Variants in DOCK8 observed in about 807,000 individuals in gnomAD.
DOCK8 encodes dedicator of cytokinesis 8, also known as dedicator of cytokinesis protein 8.
A neutral mutation model predicts 245.6 loss-of-function variants in DOCK8; 141 were observed. The ratio of observed to expected loss-of-function variants is 0.57; its 90% CI spans 0.50 to 0.66. The LOEUF (loss-of-function observed/expected upper bound fraction) is 0.66, where lower values mean the gene tolerates loss of function less well. Ranked by LOEUF, DOCK8 falls within the 30% of genes least tolerant of loss-of-function variation. DOCK8 has a pLI of 0.00. For synonymous variants in DOCK8, 1,168 were observed against 970.2 expected, an observed-to-expected ratio of 1.20 and a Z score of -3.79; for missense variants, 2,965 against 2,603.4, an observed-to-expected ratio of 1.14 and a Z score of -3.02.
rs150274605 is a variant in DOCK8, at chr9:400,025, CCACCAT to C, written c.3234+772_3234+777del. On this transcript the variant is annotated intron_variant, in intron 26 of 47. Transcript: ENST00000432829. ...ACCACCTCCACCATCACCACCACCT[CCACCAT>C]CACCACCACCACCTCCACCATCACC... Among the ~76,000 whole-genome samples the C allele has an allele frequency of 1.5e-4, 14 of 91,036 alleles. 1 individual carries two copies. In the East Asian group the frequency reaches 1.6e-3, roughly 10 times the overall value. 59.7% of individuals were successfully genotyped at this position (91,036 alleles called of 152,430 possible). A position where few individuals can be genotyped will look rare whatever the true frequency, so the allele number is the denominator to read the frequency against.
chr9:309,293 TG>T (rs1400009129), intron 5 of DOCK8, among the ~76,000 whole-genome samples: 2 of 152,180 alleles, frequency 1.3e-5, no homozygotes, highest in African/African-American at 4.8e-5. Flanking sequence ...ATAATCGAAG[TG>T]TTAATATTGA....
intron 1 of DOCK8, chr9:215,366 A>C (rs1023086687): frequency 3.1e-5 from 49 of 1,594,264 alleles, no homozygotes; most frequent in Non-Finnish European, 4.1e-5. Context: ...CGCCTGGGTA[A>C]CCGTGTTGGG....
intron 2 of DOCK8, among the ~76,000 whole-genome samples, chr9:279,287 C>G (rs553725166): frequency 1.3e-5 from 2 of 152,208 alleles, no homozygotes; most frequent in South Asian, 4.1e-4. Flanking sequence ...GTTAAATTAT[C>G]AAGTAGTGAT....
chr9:274,465 C>CTTTTTTTTTTTT (rs71312800), intron 2 of DOCK8, among the ~76,000 whole-genome samples: 1 of 144,968 alleles, frequency 6.9e-6, no homozygotes. Flanking sequence ...GGATTGAATT[C>CTTTTTTTTTTTT]TTTTTTTTTT....
At chr9:328,416 A>G (rs780338434) in intron 9 of DOCK8, among the ~76,000 whole-genome samples, 22 of 152,220 alleles carry the variant, frequency 1.4e-4, no homozygotes, top group Non-Finnish European at 3.1e-4. Flanking sequence ...ATTAAATGGC[A>G]TTGGCAGTTT....
At chr9:232,833 T>A (rs1067299) in intron 1 of DOCK8, among the ~76,000 whole-genome samples, 8 of 151,954 alleles carry the variant, frequency 5.3e-5, no homozygotes, top group South Asian at 2.1e-4. Flanking sequence ...TTTGTTGATC[T>A]TTTCAAAAAA....
At chr9:255,551 C>G (rs1236640244) in intron 1 of DOCK8, among the ~76,000 whole-genome samples, 2 of 151,524 alleles carry the variant, frequency 1.3e-5, no homozygotes, top group African/African-American at 4.9e-5. Flanking sequence ...GCCTGTTGTC[C>G]CAGCTACTCG....
intron 24 of DOCK8, among the ~76,000 whole-genome samples, chr9:393,029 T>C (rs1290674313): frequency 1.5e-5 from 2 of 135,738 alleles, no homozygotes; most frequent in Non-Finnish European, 3.0e-5. Context: ...AAGGCTGCAG[T>C]GAGCCTTGAT....
intron 4 of DOCK8, 26 bp downstream of exon 4, chr9:289,607 G>A (rs1369212193): frequency 9.5e-6 from 15 of 1,574,488 alleles, no homozygotes; most frequent in African/African-American, 1.4e-5. Flanking sequence ...TCCACTTTTT[G>A]TATATAAATA....
intron 37 of DOCK8, among the ~76,000 whole-genome samples, chr9:433,419 T>C (rs1429312769): frequency 6.6e-6 from 1 of 152,138 alleles, no homozygotes; most frequent in Non-Finnish European, 1.5e-5. Context: ...GGTTTTATAA[T>C]TAAGAATAAA....
At chr9:340,620 C>A (rs79509293) in intron 14 of DOCK8, 27 of 180,682 alleles carry the variant, frequency 1.5e-4, no homozygotes, top group South Asian at 5.3e-4. Context: ...GACTCTGTCT[C>A]AAAAAAAAAA....
chr9:215,100 G>A (rs758360115), intron 1 of DOCK8, 71 bp downstream of exon 1: 3 of 1,513,154 alleles, frequency 2.0e-6, no homozygotes, highest in South Asian at 2.5e-5. Flanking sequence ...GAGCTTCGCT[G>A]CAGGGGCCGA....
At chr9:351,826 C>G (rs775816324) in intron 14 of DOCK8, among the ~76,000 whole-genome samples, 7 of 152,222 alleles carry the variant, frequency 4.6e-5, no homozygotes, top group Non-Finnish European at 1.0e-4. Flanking sequence ...TAGCAATAGC[C>G]AGTGGCATGT....
At chr9:441,808 C>T (rs2057102836) in intron 41 of DOCK8, 67 bp from the exon 42 acceptor site, 1 of 1,596,952 alleles carries the variant, frequency 6.3e-7, no homozygotes. Context: ...AGACCCCTGC[C>T]CTTTGCAACT....
chr9:338,967 A>G (rs1056964453), intron 12 of DOCK8, 39 bp from the exon 13 acceptor site: 1 of 1,566,058 alleles, frequency 6.4e-7, no homozygotes. Context: ...CCAAGAGTCA[A>G]AGGTGCATCT....
intron 14 of DOCK8, among the ~76,000 whole-genome samples, chr9:343,076 T>A (rs2051689827): frequency 6.6e-6 from 1 of 152,220 alleles, no homozygotes; most frequent in Admixed American, 6.5e-5. Context: ...CTTTCCAGTA[T>A]GACGTATGTG....
intron 1 of DOCK8, among the ~76,000 whole-genome samples, chr9:235,385 G>C (rs201725918): frequency 6.6e-6 from 1 of 152,178 alleles, no homozygotes; most frequent in Non-Finnish European, 1.5e-5. Flanking sequence ...TCTCAGATCT[G>C]AAGCTGTGTG....
At chr9:323,767 T>C (rs1311341860) in intron 7 of DOCK8, among the ~76,000 whole-genome samples, 1 of 152,246 alleles carries the variant, frequency 6.6e-6, no homozygotes, top group African/African-American at 2.4e-5. Flanking sequence ...GAAGTAACTG[T>C]CTTTTTGTGA....
intron 15 of DOCK8, 42 bp from the exon 16 acceptor site, chr9:370,188 A>G (rs747925232): frequency 2.6e-6 from 4 of 1,534,236 alleles, no homozygotes; most frequent in Non-Finnish European, 3.6e-6. Flanking sequence ...TGATGTACCC[A>G]AATGTTACTG....
Sources: allele counts gnomAD v4.1 joint callset (sites outside exome capture counted in the v4.1 genomes callset), GRCh38; gene constraint gnomAD v4.1.1; transcripts MANE v1.5; gene names NCBI Gene and HGNC (gene_info 2026-07-23, HGNC 2026-07-21).